Variants in SPSB4 observed in about 807,000 individuals in gnomAD.
The protein encoded by SPSB4 is splA/ryanodine receptor domain and SOCS box containing 4.
Under a neutral mutation model 20.9 loss-of-function variants are expected in SPSB4, and 21 were observed. The observed-to-expected ratio is 1.01, with a 90% CI of 0.71 to 1.45. The LOEUF is 1.45. Ranked by LOEUF, SPSB4 falls within the 40% of genes most tolerant of loss-of-function variation. The pLI is 0.00. For synonymous variants in SPSB4, 207 were observed against 183.8 expected (o/e 1.13, Z -1.02); for missense variants, 399 against 399.2 (o/e 1.00, Z 0.00).
At chr3:141,121,249 C>T (rs7636278) in intron 2 of SPSB4, among the ~76,000 whole-genome samples, 40,644 of 152,088 alleles carry the variant, frequency 0.27, 6,859 homozygotes, top group African/African-American at 0.46. Context: ...CCTCAGTCTC[C>T]TCTGGCTTGT....
intron 2 of SPSB4, among the ~76,000 whole-genome samples, chr3:141,123,277 C>A (rs955137464): frequency 1.3e-5 from 2 of 152,226 alleles, no homozygotes; most frequent in Non-Finnish European, 2.9e-5. Context: ...TACCCAGTGC[C>A]TAGAACATTG....
intron 2 of SPSB4, among the ~76,000 whole-genome samples, chr3:141,129,382 A>G (rs1190333162): frequency 6.6e-6 from 1 of 152,124 alleles, no homozygotes; most frequent in Non-Finnish European, 1.5e-5. Context: ...GGATTACCCT[A>G]TGTTTGCTCC....
intron 2 of SPSB4, among the ~76,000 whole-genome samples, chr3:141,078,743 G>A (rs1033583943): frequency 6.6e-6 from 1 of 152,198 alleles, no homozygotes; most frequent in Non-Finnish European, 1.5e-5. Context: ...CAAGCACTCT[G>A]CCAAAAGCCA....
chr3:141,083,048 G>A (rs1328786886), intron 2 of SPSB4, among the ~76,000 whole-genome samples: 1 of 151,994 alleles, frequency 6.6e-6, no homozygotes, highest in Non-Finnish European at 1.5e-5. Flanking sequence ...AGCTGCACCA[G>A]GCTTTCTAAG....
chr3:141,133,098 A>G (rs112896543), intron 2 of SPSB4, among the ~76,000 whole-genome samples: 241 of 152,262 alleles, frequency 1.6e-3, no homozygotes, highest in African/African-American at 5.6e-3. Context: ...AGCCATTTGT[A>G]TATCTTCTTT....
intron 2 of SPSB4, among the ~76,000 whole-genome samples, chr3:141,107,679 A>G (rs6650888): frequency 0.19 from 28,785 of 152,186 alleles, 4,299 homozygotes; most frequent in African/African-American, 0.41. Flanking sequence ...ATTTGTGCCC[A>G]GGCACAGTGG....
intron 2 of SPSB4, among the ~76,000 whole-genome samples, chr3:141,128,707 G>T (rs1939087944): frequency 1.3e-5 from 2 of 152,114 alleles, no homozygotes; most frequent in Admixed American, 6.5e-5. Flanking sequence ...TGTAGTGGAA[G>T]ATTTGAGTGG....
At chr3:141,075,721 C>T (rs1212082147) in intron 2 of SPSB4, among the ~76,000 whole-genome samples, 2 of 152,072 alleles carry the variant, frequency 1.3e-5, no homozygotes, top group East Asian at 3.9e-4. Flanking sequence ...CCCATCTACC[C>T]GCCATGCTGA....
At chr3:141,126,404 G>A (rs1939050833) in intron 2 of SPSB4, among the ~76,000 whole-genome samples, 1 of 152,164 alleles carries the variant, frequency 6.6e-6, no homozygotes, top group Non-Finnish European at 1.5e-5. Flanking sequence ...GGAGCAGCCT[G>A]TTGGAATGGA....
intron 2 of SPSB4, among the ~76,000 whole-genome samples, chr3:141,095,104 A>G (rs1938524213): frequency 6.6e-6 from 1 of 152,056 alleles, no homozygotes. Context: ...TATTTGAGTT[A>G]GAGGTGGGGA....
At chr3:141,063,094 T>A (rs1469324708) in intron 1 of SPSB4, among the ~76,000 whole-genome samples, 1 of 152,228 alleles carries the variant, frequency 6.6e-6, no homozygotes, top group Non-Finnish European at 1.5e-5. Flanking sequence ...GATCGCATTC[T>A]TTATTATTAT....
At chr3:141,082,175 A>G (rs1938245079) in intron 2 of SPSB4, among the ~76,000 whole-genome samples, 1 of 152,124 alleles carries the variant, frequency 6.6e-6, no homozygotes, top group Non-Finnish European at 1.5e-5. Flanking sequence ...TCTGGTTGTC[A>G]TTTGCTGAAC....
chr3:141,130,650 A>G (rs35816243), intron 2 of SPSB4, among the ~76,000 whole-genome samples: 19,694 of 152,176 alleles, frequency 0.13, 1,511 homozygotes, highest in African/African-American at 0.2. Context: ...GTGTCTTGGC[A>G]TCTTCTCACT....
In SPSB4 at chr3:141,147,696, C is replaced by T. The variant is rs1336689916; in HGVS notation, c.*427C>T. On this transcript the variant is annotated 3_prime_UTR_variant, in exon 3 of 3. Transcript: ENST00000310546. ...TTAGCCAGTGCAGGGGGAAAATTGCCTCTGAATAATGAATGATGAAAGCCT... is the reference window on the plus strand; with the variant it reads ...TTAGCCAGTGCAGGGGGAAAATTGCTTCTGAATAATGAATGATGAAAGCCT... 1 of 167,564 alleles carries T rather than the reference C, an allele frequency of 6.0e-6. No individual in the cohort carries two copies. Among genetic ancestry groups the T allele is most frequent in the East Asian group, 1.6e-4 (1 of 6,360 alleles). The allele number at this position is 167,564 out of a possible 1,614,324, so 10.4% of individuals were successfully genotyped here. A position where few individuals can be genotyped will look rare whatever the true frequency, so the allele number is the denominator to read the frequency against.
chr3:141,128,594 G>C (rs1196794830), intron 2 of SPSB4, among the ~76,000 whole-genome samples: 1 of 152,174 alleles, frequency 6.6e-6, no homozygotes, highest in Admixed American at 6.5e-5. Flanking sequence ...AGGGCAACGG[G>C]GTGCCGGCAC....
intron 1 of SPSB4, among the ~76,000 whole-genome samples, chr3:141,062,591 T>C (rs1937786565): frequency 6.6e-6 from 1 of 152,204 alleles, no homozygotes; most frequent in South Asian, 2.1e-4. Flanking sequence ...TTTGTTATTG[T>C]TGTATTCCAG....
chr3:141,139,640 CT>C (rs1259851198), intron 2 of SPSB4, among the ~76,000 whole-genome samples: 1 of 152,180 alleles, frequency 6.6e-6, no homozygotes, highest in African/African-American at 2.4e-5. Flanking sequence ...AAATTCTTTT[CT>C]TTAAGAATGT....
At chr3:141,136,013 T>C (rs1334920305) in intron 2 of SPSB4, among the ~76,000 whole-genome samples, 1 of 152,048 alleles carries the variant, frequency 6.6e-6, no homozygotes, top group Non-Finnish European at 1.5e-5. Context: ...TGTTGTTTCC[T>C]GACTTTTTAA....
intron 2 of SPSB4, among the ~76,000 whole-genome samples, chr3:141,138,078 G>A (rs376248344): frequency 2.0e-3 from 310 of 152,228 alleles, no homozygotes; most frequent in African/African-American, 5.3e-3. Context: ...TGTATGTGTC[G>A]AGGAATTTAT....
Sources: allele counts gnomAD v4.1 joint callset (sites outside exome capture counted in the v4.1 genomes callset), GRCh38; gene constraint gnomAD v4.1.1; transcripts MANE v1.5; gene names NCBI Gene and HGNC (gene_info 2026-07-23, HGNC 2026-07-21).